NCKAP5: variants seen among roughly 807,000 people sequenced by gnomAD.
NCKAP5 encodes the protein nck-associated protein 5.
Under a neutral mutation model 167.0 loss-of-function variants are expected in NCKAP5, and 92 were observed. The ratio of observed to expected loss-of-function variants is 0.55; its 90% CI spans 0.47 to 0.66. NCKAP5 has a LOEUF of 0.66. Among genes scored for constraint, NCKAP5 ranks in the 30% least tolerant of loss-of-function variants. The pLI, the probability that NCKAP5 is intolerant of heterozygous loss-of-function variation, is 0.00. For missense variants in NCKAP5, 2,378 were observed against 2,315.0 expected, an observed-to-expected ratio of 1.03 and a Z score of -0.56; for synonymous variants, 891 against 877.4, an observed-to-expected ratio of 1.02 and a Z score of -0.27.
intron 11 of NCKAP5, among the ~76,000 whole-genome samples, chr2:132,856,884 G>T (rs1237755170): frequency 2.0e-5 from 3 of 152,146 alleles, no homozygotes; most frequent in African/African-American, 4.8e-5. Context: ...GAGGCGAAAG[G>T]GGGGACTTAA....
chr2:133,145,729 T>C lies in NCKAP5; in HGVS notation c.208-15618A>G, dbSNP rs908360805. On this transcript the variant is annotated intron_variant, in intron 5 of 19. Transcript: ENST00000409261. ...CAGACGTCCTTTTGTCTGTTACACA[T>C]TGATTGCTGTTAAACTAAATGTTTT... Among the ~76,000 whole-genome samples the C allele has an allele frequency of 4.6e-5, 7 of 152,210 alleles. No individual in the cohort carries two copies. The East Asian group carries it at 5.8e-4, about 13-fold the overall frequency.
At chr2:132,689,826 T>C (rs796493795) in intron 19 of NCKAP5, among the ~76,000 whole-genome samples, 2 of 152,208 alleles carry the variant, frequency 1.3e-5, no homozygotes, top group Non-Finnish European at 2.9e-5. Context: ...TATCAGCATA[T>C]AATTAAATCT....
At chr2:133,584,122 G>A in the NCKAP5 span, among the ~76,000 whole-genome samples, 1 of 152,304 alleles carries the variant, frequency 6.6e-6, no homozygotes, top group East Asian at 1.9e-4. Flanking sequence ...TTTTATACAT[G>A]GAGGAAAATA....
intron 3 of NCKAP5, among the ~76,000 whole-genome samples, chr2:133,362,301 C>G (rs1258273990): frequency 1.3e-5 from 2 of 152,160 alleles, no homozygotes; most frequent in African/African-American, 2.4e-5. Flanking sequence ...CAAGGGAGAT[C>G]AGCAAACTGC....
intron 3 of NCKAP5, among the ~76,000 whole-genome samples, chr2:133,435,657 G>T (rs1053991959): frequency 2.0e-5 from 3 of 152,124 alleles, no homozygotes; most frequent in Admixed American, 2.0e-4. Context: ...GCCTACAAAG[G>T]TTTTAGTTAA....
rs374197642 is a variant in NCKAP5, at chr2:133,132,516, C to CACACACAA, written c.208-2406_208-2405insTTGTGTGT. ...ACACACACACACACACACACACACA[C>CACACACAA]AAACCCTGATAACACAGAGAAAATT... On this transcript the variant is annotated intron_variant, in intron 5 of 19. Coordinates refer to ENST00000409261, the MANE Select transcript of NCKAP5 (RefSeq NM_207363.3). Among the ~76,000 whole-genome samples, 656 of 146,482 alleles carry CACACACAA rather than the reference C, an allele frequency of 4.5e-3. 4 individuals are homozygous for CACACACAA. Among genetic ancestry groups the CACACACAA allele is most frequent in the African/African-American group, 0.013 (513 of 38,826 alleles).
At chr2:133,340,636 C>T (rs1683513416) in intron 3 of NCKAP5, among the ~76,000 whole-genome samples, 1 of 152,030 alleles carries the variant, frequency 6.6e-6, no homozygotes, top group African/African-American at 2.4e-5. Flanking sequence ...AGTTGACAAG[C>T]CAAGAATGAG....
chr2:133,433,082 T>C (rs1383376825), intron 3 of NCKAP5, among the ~76,000 whole-genome samples: 1 of 152,150 alleles, frequency 6.6e-6, no homozygotes, highest in Non-Finnish European at 1.5e-5. Context: ...CAGAAAACAG[T>C]TTTGACCACT....
chr2:133,642,894 T>C, the NCKAP5 span, among the ~76,000 whole-genome samples: 1 of 152,264 alleles, frequency 6.6e-6, no homozygotes, highest in Non-Finnish European at 1.5e-5. Flanking sequence ...TGGCTAGGCA[T>C]GCATTTCTGG....
intron 6 of NCKAP5, among the ~76,000 whole-genome samples, chr2:133,057,396 C>A (rs572096922): frequency 1.3e-5 from 2 of 152,276 alleles, no homozygotes; most frequent in East Asian, 1.9e-4. Flanking sequence ...TTGCACCAAA[C>A]AGGTAGCCAA....
intron 6 of NCKAP5, among the ~76,000 whole-genome samples, chr2:133,115,199 G>C (rs960816492): frequency 4.6e-5 from 7 of 152,164 alleles, no homozygotes; most frequent in African/African-American, 1.7e-4. Context: ...TTAATACACT[G>C]CAGTTAGTAT....
chr2:133,441,520 T>C (rs1374848661), intron 3 of NCKAP5, among the ~76,000 whole-genome samples: 1 of 152,206 alleles, frequency 6.6e-6, no homozygotes, highest in Non-Finnish European at 1.5e-5. Flanking sequence ...ACAAAACATT[T>C]ACCAAGAAAG....
At position 132,914,456 on chromosome 2, in the gene NCKAP5, A is replaced by G. The variant is rs1694705551; in HGVS notation, c.580-35540T>C. Among the ~76,000 whole-genome samples, 4 of 152,042 alleles carry G rather than the reference A, an allele frequency of 2.6e-5. No individual in the cohort carries two copies. In the South Asian group the frequency reaches 8.3e-4, roughly 32 times the overall value. On this transcript the variant is annotated intron_variant, in intron 8 of 19. Transcript: ENST00000409261. ...AATTTGGGGAAATTTTAACTGATCT[A>G]TTTTTTAAGTAGAAATGGACAATTC...
At chr2:132,744,488 C>T (rs903308103) in intron 16 of NCKAP5, among the ~76,000 whole-genome samples, 1 of 151,550 alleles carries the variant, frequency 6.6e-6, no homozygotes, top group African/African-American at 2.4e-5. Context: ...TGCAGCTAAA[C>T]AGTGCCTTAA....
rs763350980 is a variant in NCKAP5, at chr2:132,728,944, T to G, written c.5452A>C (p.Ser1818Arg). The change falls in exon 18 of 20, where the codon AGT becomes CGT. Residue 1818 changes from serine (S) to arginine (R), a missense_variant. This residue lies in a region of NCKAP5 where 1,325 missense variants were observed against 1,274.5 expected (regional missense o/e 1.04). Coordinates refer to ENST00000409261, the MANE Select transcript of NCKAP5 (RefSeq NM_207363.3). ...TCTGCTTCATTCTGCTTTTGGGAAC[T>G]GACTTTTCCTAAATGAGGACACGTA... The part of the protein sequence containing the change: ...LPKPASSGKV[S>R]SQKQNEAEPR... The G allele has an allele frequency of 6.2e-7, 1 of 1,613,956 alleles. No individual in the cohort carries two copies. Among genetic ancestry groups the G allele is most frequent in the East Asian group, 2.2e-5 (1 of 44,872 alleles).
At position 133,117,122 on chromosome 2, in the gene NCKAP5, C is replaced by T. The variant is rs766020996; in HGVS notation, c.341+12856G>A. ...AAGGAGAGAGGCTAAGAATATCTTCCGTAGAGGACTGTTTTAAGAATTAAA... is the reference window on the plus strand; with the variant it reads ...AAGGAGAGAGGCTAAGAATATCTTCTGTAGAGGACTGTTTTAAGAATTAAA... On this transcript the variant is annotated intron_variant, in intron 6 of 19. Coordinates refer to ENST00000409261, the MANE Select transcript of NCKAP5 (RefSeq NM_207363.3). 7.9e-5 allele frequency: 12 copies of T among 152,088 alleles called. No individual in the cohort carries two copies. In the East Asian group the frequency reaches 9.6e-4, roughly 12 times the overall value. The allele number at this position is 152,088 out of a possible 1,614,324, so 9.4% of individuals were successfully genotyped here. A position where few individuals can be genotyped will look rare whatever the true frequency, so the allele number is the denominator to read the frequency against.
chr2:133,009,866 G>C (rs998012540), intron 6 of NCKAP5, among the ~76,000 whole-genome samples: 1 of 151,950 alleles, frequency 6.6e-6, no homozygotes. Flanking sequence ...TCAGGAGTTC[G>C]AGACCATCCT....
chr2:133,196,577 T>A (rs1336019923), intron 5 of NCKAP5, among the ~76,000 whole-genome samples: 1 of 152,148 alleles, frequency 6.6e-6, no homozygotes, highest in Non-Finnish European at 1.5e-5. Flanking sequence ...AACATCTATC[T>A]AAGGATTCTG....
chr2:133,398,160 A>T (rs1210709770), intron 3 of NCKAP5, among the ~76,000 whole-genome samples: 1 of 152,166 alleles, frequency 6.6e-6, no homozygotes, highest in African/African-American at 2.4e-5. Flanking sequence ...AATTGACAAC[A>T]GTGTCTTCTT....
Sources: gnomAD v4.1 joint callset for allele counts (sites outside exome capture counted in the v4.1 genomes callset) on GRCh38, gnomAD v4.1.1 for gene constraint, gnomAD v4.1.1 regional missense constraint, MANE v1.5 for transcripts, NCBI Gene and HGNC (gene_info 2026-07-23, HGNC 2026-07-21) for gene names.